HNRNPD: variants seen among roughly 807,000 people sequenced by gnomAD.
The protein encoded by HNRNPD is heterogeneous nuclear ribonucleoprotein D.
In HNRNPD, 3 loss-of-function variants were observed where a neutral mutation model predicts 47.9. That is an observed-to-expected ratio of 0.06 (90% CI 0.03 to 0.16). The LOEUF (loss-of-function observed/expected upper bound fraction) is 0.16. Among genes scored for constraint, HNRNPD ranks in the 10% least tolerant of loss-of-function variants. The pLI is 1.00. For missense variants in HNRNPD, 287 were observed against 454.2 expected, an observed-to-expected ratio of 0.63 and a Z score of 3.35; for synonymous variants, 171 against 165.1, an observed-to-expected ratio of 1.04 and a Z score of -0.28.
At position 82,359,570 on chromosome 4, in the gene HNRNPD, A is replaced by G; in HGVS notation, c.360T>C (p.Phe120=). The change falls in exon 3 of 9, where the codon TTT becomes TTC. Residue 120 remains phenylalanine (F), a synonymous_variant. Transcript: ENST00000313899. ...KKDLKDYFSK[F]GEVVDCTLKL... ...TCAGAGTGCAGTCTACAACTTCACC[A>G]AATTTGGAAAAGTAGTCCTTCAGAT... 6.2e-7 allele frequency: 1 copy of G among 1,604,318 alleles called. No individual in the cohort carries two copies. Among genetic ancestry groups the G allele is most frequent in the Non-Finnish European group, 8.5e-7 (1 of 1,172,382 alleles).
At chr4:82,357,245 GA>G in intron 5 of HNRNPD, 67 bp downstream of exon 5, 1 of 1,487,850 alleles carries the variant, frequency 6.7e-7, no homozygotes, top group Non-Finnish European at 9.0e-7. Flanking sequence ...CCTTTACAGA[GA>G]AAGATAAATG....
intron 5 of HNRNPD, 31 bp from the exon 6 acceptor site, chr4:82,356,926 A>C: frequency 1.3e-6 from 2 of 1,552,242 alleles, no homozygotes; most frequent in Non-Finnish European, 1.8e-6. Context: ...TATTAAACTG[A>C]CTCAAGAAAA....
chr4:82,362,099 T>C (rs956643090), intron 2 of HNRNPD, among the ~76,000 whole-genome samples: 2 of 152,222 alleles, frequency 1.3e-5, no homozygotes, highest in African/African-American at 4.8e-5. Context: ...ATCACACTTT[T>C]CTGCCTTCTT....
chr4:82,368,501 G>A (rs1229304306), intron 2 of HNRNPD, among the ~76,000 whole-genome samples: 1 of 152,074 alleles, frequency 6.6e-6, no homozygotes, highest in Non-Finnish European at 1.5e-5. Flanking sequence ...CTTAAAAAAC[G>A]AGATTATTTT....
chr4:82,353,430 T>C lies in HNRNPD; in HGVS notation c.*755A>G, dbSNP rs1723589303. ...CTCTGAACTAGCCGCATTTCTATTA[T>C]AATTAACAGATTTTAAGTCCTTTTT... On this transcript the variant is annotated 3_prime_UTR_variant, in exon 9 of 9. Coordinates refer to ENST00000313899, the MANE Select transcript of HNRNPD (RefSeq NM_031370.3). The C allele has an allele frequency of 6.6e-6, 1 of 152,416 alleles. No homozygotes were observed. Among genetic ancestry groups the C allele is most frequent in the Non-Finnish European group, 1.5e-5 (1 of 68,020 alleles). The allele number at this position is 152,416 out of a possible 1,614,324, so 9.4% of individuals were successfully genotyped here. A position where few individuals can be genotyped will look rare whatever the true frequency, so the allele number is the denominator to read the frequency against.
intron 3 of HNRNPD, 25 bp from the exon 4 acceptor site, chr4:82,358,845 A>T: frequency 6.6e-7 from 1 of 1,513,064 alleles, no homozygotes; most frequent in South Asian, 1.2e-5. Context: ...GTTTTCATTT[A>T]AAAAATATAT....
In HNRNPD at chr4:82,373,610, C is replaced by T. The variant is rs998381115; in HGVS notation, c.69G>A (p.Ala23=). The change falls in exon 1 of 9, where the codon GCG becomes GCA. Residue 23 remains alanine (A), a synonymous_variant. Coordinates refer to ENST00000313899, the MANE Select transcript of HNRNPD (RefSeq NM_031370.3). ...CCACCATGGCTCCCTCCTGCTCGCC[C>T]GCCGAGCCGCCTACCGCCGCCGTTG... ...AAATAAVGGS[A]GEQEGAMVAA... is the part of the protein sequence containing the mutation. 3 of 1,528,612 alleles carry T rather than the reference C, an allele frequency of 2.0e-6. No homozygotes were observed. In the African/African-American group the frequency reaches 4.2e-5, roughly 21 times the overall value. The allele number at this position is 1,528,612 out of a possible 1,614,324, so 94.7% of individuals were successfully genotyped here.
chr4:82,362,209 T>C (rs1719493763), intron 2 of HNRNPD, among the ~76,000 whole-genome samples: 2 of 152,248 alleles, frequency 1.3e-5, no homozygotes, highest in Non-Finnish European at 2.9e-5. Flanking sequence ...TAGCTATTAA[T>C]ACACCAAGTC....
At position 82,358,835 on chromosome 4, in the gene HNRNPD, G is replaced by A; in HGVS notation, c.460-15C>T. 1 of 1,559,330 alleles carries A rather than the reference G, an allele frequency of 6.4e-7. No individual in the cohort carries two copies. The highest frequency in any genetic ancestry group is 8.7e-7 in the Non-Finnish European group (1 of 1,152,460). On this transcript the variant is annotated splice_polypyrimidine_tract_variant and intron_variant, in intron 3 of 8. Coordinates refer to ENST00000313899, the MANE Select transcript of HNRNPD (RefSeq NM_031370.3). The stretch of plus-strand genomic sequence containing the variant: ...TGATCCATGACCTAAGGAAATTGAA[G>A]TTTTCATTTAAAAAATATATATCTT...
chr4:82,355,965 T>C (rs1227122555), intron 7 of HNRNPD: 1 of 153,350 alleles, frequency 6.5e-6, no homozygotes, highest in Non-Finnish European at 1.5e-5. Flanking sequence ...CAAAAAAATG[T>C]AAGATTGCTT....
chr4:82,372,491 A>C (rs965750251), intron 1 of HNRNPD, among the ~76,000 whole-genome samples: 3 of 152,160 alleles, frequency 2.0e-5, no homozygotes, highest in Admixed American at 6.5e-5. Flanking sequence ...AGATATCAAG[A>C]CACCAAAATA....
At chr4:82,356,239 G>C in intron 7 of HNRNPD, 1 of 285,536 alleles carries the variant, frequency 3.5e-6, no homozygotes. Context: ...GGTCCAAGAA[G>C]TGACATTTAG....
chr4:82,369,476 A>G (rs2110002118), intron 2 of HNRNPD, among the ~76,000 whole-genome samples: 1 of 152,304 alleles, frequency 6.6e-6, no homozygotes, highest in Non-Finnish European at 1.5e-5. Flanking sequence ...AAACCAACTG[A>G]TTTTTAAAGT....
rs571908778 is a variant in HNRNPD at position 82,361,447 on chromosome 4, A to G, written c.291-1808T>C. ...TAAGTTGAGATTTAACTATTAAATT[A>G]CCCTTTCCATGATTATTACAGAAAT... On this transcript the variant is annotated intron_variant, in intron 2 of 8. Transcript: ENST00000313899. Among the ~76,000 whole-genome samples, 4 of 152,332 alleles carry G rather than the reference A, an allele frequency of 2.6e-5. No homozygotes were observed. In the South Asian group the frequency reaches 8.3e-4, roughly 32 times the overall value.
intron 2 of HNRNPD, among the ~76,000 whole-genome samples, chr4:82,365,230 T>A (rs1560437485): frequency 6.6e-6 from 1 of 152,154 alleles, no homozygotes; most frequent in Non-Finnish European, 1.5e-5. Flanking sequence ...CTTACATACA[T>A]GGCTTTATAA....
chr4:82,356,344 C>G, intron 7 of HNRNPD, 193 bp downstream of exon 7: 1 of 555,468 alleles, frequency 1.8e-6, no homozygotes, highest in Non-Finnish European at 3.2e-6. Flanking sequence ...CACACATACA[C>G]CCTACCCTTA....
At chr4:82,355,279 A>C in intron 8 of HNRNPD, 25 bp downstream of exon 8, 1 of 1,359,940 alleles carries the variant, frequency 7.4e-7, no homozygotes, top group Non-Finnish European at 1.0e-6. Flanking sequence ...GTAAATGACA[A>C]AAAAAAACTA....
At chr4:82,372,793 G>A (rs1720124154) in intron 1 of HNRNPD, among the ~76,000 whole-genome samples, 1 of 152,164 alleles carries the variant, frequency 6.6e-6, no homozygotes, top group East Asian at 1.9e-4. Flanking sequence ...ACCCAATTTG[G>A]TCTGCATGTC....
intron 2 of HNRNPD, among the ~76,000 whole-genome samples, chr4:82,367,384 G>A (rs1719818473): frequency 6.6e-6 from 1 of 151,994 alleles, no homozygotes; most frequent in South Asian, 2.1e-4. Flanking sequence ...ACTGTGTACT[G>A]GAAATCAATT....
Sources: gnomAD v4.1 joint callset for allele counts (sites outside exome capture counted in the v4.1 genomes callset) on GRCh38, gnomAD v4.1.1 for gene constraint, MANE v1.5 for transcripts, NCBI Gene and HGNC (gene_info 2026-07-23, HGNC 2026-07-21) for gene names.